Variants in CCDC39 observed in about 807,000 individuals in gnomAD.
CCDC39 encodes the protein coiled-coil domain-containing protein 39.
Under a neutral mutation model 121.0 loss-of-function variants are expected in CCDC39, and 113 were observed. The observed-to-expected ratio is 0.93, with a 90% CI of 0.80 to 1.09. The LOEUF is 1.09. Ranked by LOEUF, CCDC39 falls within the 50% of genes least tolerant of loss-of-function variation. The pLI, the probability that CCDC39 is intolerant of heterozygous loss-of-function variation, is 0.00. For missense variants in CCDC39, 1,063 were observed against 1,074.7 expected (o/e 0.99, Z 0.15); for synonymous variants, 349 against 352.2 (o/e 0.99, Z 0.10).
intron 1 of CCDC39, among the ~76,000 whole-genome samples, chr3:180,667,611 G>C (rs542344686): frequency 6.6e-5 from 10 of 152,234 alleles, no homozygotes; most frequent in African/African-American, 2.2e-4. Context: ...AAAAAATGTT[G>C]TATCTGTTCT....
chr3:180,651,281 G>T, intron 9 of CCDC39, 120 bp downstream of exon 9: 1 of 753,148 alleles, frequency 1.3e-6, no homozygotes, highest in Non-Finnish European at 2.1e-6. Context: ...TTATAAATGT[G>T]ATCATACCAA....
chr3:180,662,164 C>A (rs560153365), intron 2 of CCDC39, among the ~76,000 whole-genome samples, 157 bp from the exon 3 acceptor site: 1 of 152,102 alleles, frequency 6.6e-6, no homozygotes, highest in African/African-American at 2.4e-5. Flanking sequence ...TTACATTAGA[C>A]TGTGATTACA....
At chr3:180,663,537 G>T (rs976432697) in intron 2 of CCDC39, among the ~76,000 whole-genome samples, 2 of 151,898 alleles carry the variant, frequency 1.3e-5, no homozygotes, top group Non-Finnish European at 2.9e-5. Flanking sequence ...GCTGGGGGTG[G>T]TGGGTGCCTA....
intron 2 of CCDC39, among the ~76,000 whole-genome samples, chr3:180,662,562 T>C (rs938606105): frequency 6.6e-6 from 1 of 152,182 alleles, no homozygotes; most frequent in Non-Finnish European, 1.5e-5. Flanking sequence ...TTTACAGTAC[T>C]AAAGCTACCA....
At chr3:180,678,343 G>C (rs1219973572) in intron 1 of CCDC39, among the ~76,000 whole-genome samples, 1 of 152,150 alleles carries the variant, frequency 6.6e-6, no homozygotes, top group African/African-American at 2.4e-5. Flanking sequence ...TCAAAAGGTA[G>C]AGTAACAGGA....
chr3:180,663,545 C>G (rs1450089355), intron 2 of CCDC39, among the ~76,000 whole-genome samples: 1 of 151,674 alleles, frequency 6.6e-6, no homozygotes, highest in Non-Finnish European at 1.5e-5. Context: ...TGGTGGGTGC[C>G]TATAATCCCA....
At chr3:180,628,638 T>C (rs959077152) in intron 14 of CCDC39, among the ~76,000 whole-genome samples, 1 of 152,232 alleles carries the variant, frequency 6.6e-6, no homozygotes, top group African/African-American at 2.4e-5. Flanking sequence ...TTATGGGCCA[T>C]TCAGTCTGTC....
intron 13 of CCDC39, among the ~76,000 whole-genome samples, chr3:180,640,312 G>T (rs561517828): frequency 3.0e-4 from 45 of 152,088 alleles, no homozygotes; most frequent in Non-Finnish European, 5.7e-4. Context: ...TTAATTTCTT[G>T]TGGGATGCAG....
intron 1 of CCDC39, among the ~76,000 whole-genome samples, chr3:180,678,182 C>T (rs1712287431): frequency 6.6e-6 from 1 of 152,146 alleles, no homozygotes; most frequent in Non-Finnish European, 1.5e-5. Context: ...GATCTGAACC[C>T]AGGGCTGGAT....
rs959862071 is a variant in CCDC39, at chr3:180,616,565, A to G, written c.2537T>C (p.Ile846Thr). ...KVIDEMLVDI[I>T]EENTEIRIIL... ...AATACGGATCTCAGTATTTTCTTCT[A>G]TGATATCAACTAACATTTCATCAAT... The change falls in exon 18 of 20, where the codon ATA becomes ACA. Residue 846 changes from isoleucine to threonine, a missense_variant. Physicochemically the swap from Ile to Thr is moderately conservative, Grantham distance 89 (BLOSUM62 -1). Transcript: ENST00000476379. 5.0e-6 allele frequency: 8 copies of G among 1,599,282 alleles called. No homozygotes were observed. The highest frequency in any genetic ancestry group is 1.7e-5 in the Admixed American group (1 of 57,814).
intron 11 of CCDC39, among the ~76,000 whole-genome samples, chr3:180,645,850 T>A (rs1402576293): frequency 6.6e-6 from 1 of 152,094 alleles, no homozygotes; most frequent in Non-Finnish European, 1.5e-5. Flanking sequence ...CACTTGACAA[T>A]GGTATGATGG....
intron 16 of CCDC39, 63 bp downstream of exon 16, chr3:180,619,195 AG>A: frequency 1.3e-6 from 1 of 761,578 alleles, no homozygotes. Context: ...AGAGAATAGA[AG>A]TAGCAGTAAT....
chr3:180,632,372 C>T (rs952310573), intron 13 of CCDC39, among the ~76,000 whole-genome samples: 1 of 152,142 alleles, frequency 6.6e-6, no homozygotes, highest in Admixed American at 6.5e-5. Context: ...AGTGCCTCAA[C>T]TGCCTGCTAC....
chr3:180,619,683 A>G, intron 15 of CCDC39, 128 bp downstream of exon 15: 3 of 612,186 alleles, frequency 4.9e-6, no homozygotes, highest in Non-Finnish European at 8.1e-6. Context: ...GAGGAAAGAA[A>G]AGGGATTAGT....
At position 180,614,741 on chromosome 3, in the gene CCDC39, T is replaced by G. The variant is rs1201343334; in HGVS notation, c.*180A>C. 7.5e-6 allele frequency: 4 copies of G among 536,206 alleles called. No individual in the cohort carries two copies. The highest frequency in any genetic ancestry group is 3.9e-5 in the African/African-American group (2 of 50,706). The allele number at this position is 536,206 out of a possible 1,614,324, so 33.2% of individuals were successfully genotyped here. A position where few individuals can be genotyped will look rare whatever the true frequency, so the allele number is the denominator to read the frequency against. ...TGTCAAGAATCTGCTATTAATTTCT[T>G]CAGTATGAAGAAAACAGTAGAGAAA... On this transcript the variant is annotated 3_prime_UTR_variant, in exon 20 of 20. Transcript: ENST00000476379.
intron 6 of CCDC39, 101 bp downstream of exon 6, chr3:180,659,351 G>C: frequency 7.0e-7 from 1 of 1,431,712 alleles, no homozygotes; most frequent in Non-Finnish European, 9.5e-7. Context: ...TGCTACAAAA[G>C]TGACTTTCAA....
At chr3:180,663,843 C>T (rs1711804798) in intron 2 of CCDC39, 24 bp downstream of exon 2, 1 of 1,607,790 alleles carries the variant, frequency 6.2e-7, no homozygotes, top group African/African-American at 1.3e-5. Flanking sequence ...ACGATATAAT[C>T]AACATAAATT....
rs759260813 is a variant in CCDC39 at position 180,659,726 on chromosome 3, T to C, written c.560A>G (p.Gln187Arg). 2.4e-5 allele frequency: 39 copies of C among 1,612,578 alleles called. No individual in the cohort carries two copies. The highest frequency in any genetic ancestry group is 3.2e-5 in the Non-Finnish European group (38 of 1,179,362). Residue 187 changes from glutamine (Q) to arginine (R), a missense_variant, in exon 5 of 20, where the codon CAG (glutamine) becomes CGG (arginine). Transcript: ENST00000476379. ...QLERLTLECNQKRKILDNELT... is the reference protein window; with the variant it reads ...QLERLTLECNRKRKILDNELT... ...TTCGTTGTCAAGTATCTTTCTTTTCTGATTACATTCCAAAGTTAGTCTTTC... is the reference window on the plus strand; with the variant it reads ...TTCGTTGTCAAGTATCTTTCTTTTCCGATTACATTCCAAAGTTAGTCTTTC...
At chr3:180,620,266 T>C (rs1717398055) in intron 14 of CCDC39, among the ~76,000 whole-genome samples, 1 of 151,804 alleles carries the variant, frequency 6.6e-6, no homozygotes, top group African/African-American at 2.4e-5. Flanking sequence ...GTTAATCAAG[T>C]ATAAATATTA....
Sources: allele counts gnomAD v4.1 joint callset (sites outside exome capture counted in the v4.1 genomes callset), GRCh38; gene constraint gnomAD v4.1.1; transcripts MANE v1.5; gene names NCBI Gene and HGNC (gene_info 2026-07-23, HGNC 2026-07-21).